The following ITGA5 variants were observed in gnomAD, a reference collection of about 807,000 sequenced individuals.
ITGA5 encodes integrin alpha-5.
ITGA5 carries 55 observed loss-of-function variants against 146.3 expected under a neutral mutation model. That is an observed-to-expected ratio of 0.38 (90% CI 0.30 to 0.47). The LOEUF (loss-of-function observed/expected upper bound fraction) is 0.47, where lower values mean the gene tolerates loss of function less well. Among genes scored for constraint, ITGA5 ranks in the 20% least tolerant of loss-of-function variants. ITGA5 has a pLI of 0.99. For synonymous variants in ITGA5, 500 were observed against 531.8 expected, an observed-to-expected ratio of 0.94 and a Z score of 0.82; for missense variants, 1,131 against 1,329.0, an observed-to-expected ratio of 0.85 and a Z score of 2.32.
intron 11 of ITGA5, 85 bp from the exon 12 acceptor site, chr12:54,405,459 T>G: frequency 8.4e-7 from 1 of 1,193,860 alleles, no homozygotes; most frequent in Non-Finnish European, 1.2e-6. Flanking sequence ...CCGGACACTC[T>G]GAATTCCATC....
intron 4 of ITGA5, 37 bp from the exon 5 acceptor site, chr12:54,408,991 T>A: frequency 6.3e-7 from 1 of 1,596,324 alleles, no homozygotes; most frequent in Non-Finnish European, 8.6e-7. Context: ...GAGCCCTGCA[T>A]AGATGGGTCA....
At chr12:54,410,347 CTTT>C (rs68135389) in intron 2 of ITGA5, among the ~76,000 whole-genome samples, 9 of 133,004 alleles carry the variant, frequency 6.8e-5, no homozygotes, top group South Asian at 2.3e-4. Context: ...GTTCCACCTC[CTTT>C]TTTTTTTTTT....
chr12:54,402,031 G>A lies in ITGA5; in HGVS notation c.2196C>T (p.Asp732=). ...AVNQSRLLVC[D]LGNPMKAGAS... ...CTCCTGCCTTCATGGGGTTGCCCAG[G>A]TCACACACCAGCAGGCGGCTCTGGT... The change falls in exon 21 of 30, where the codon GAC becomes GAT. Residue 732 remains aspartate, a synonymous_variant. Coordinates refer to ENST00000293379, the MANE Select transcript of ITGA5 (RefSeq NM_002205.5). The A allele has an allele frequency of 6.2e-7, 1 of 1,614,168 alleles. No homozygotes were observed. Among genetic ancestry groups the A allele is most frequent in the South Asian group, 1.1e-5 (1 of 91,082 alleles).
chr12:54,404,380 C>T lies in ITGA5; in HGVS notation c.1463+50G>A, dbSNP rs115986708. The T allele has an allele frequency of 5.5e-4, 886 of 1,601,342 alleles. 6 individuals are homozygous for T. The African/African-American group carries it at 0.011, about 19-fold the overall frequency. On this transcript the variant is annotated intron_variant, in intron 14 of 29. Transcript: ENST00000293379. Reference sequence around the variant, plus strand: ...AACCTCAGCTCTGTTGAGAAATTTCCAGTTCCAGTCCACCCAGGTTGTCCC... The same window carrying T: ...AACCTCAGCTCTGTTGAGAAATTTCTAGTTCCAGTCCACCCAGGTTGTCCC...
rs1955790600 is a variant in ITGA5, at chr12:54,401,949, C to T, written c.2226+52G>A. 1.1e-5 allele frequency: 18 copies of T among 1,599,998 alleles called. 1 individual carries two copies. The Admixed American group carries it at 1.8e-4, about 16-fold the overall frequency. ...GCTGTGCTCTCGGCTGGCTGGTTAC[C>T]GCCCTCAGGTCTGCTCTCCCTCTGT... On this transcript the variant is annotated intron_variant, in intron 21 of 29. Transcript: ENST00000293379. The surrounding 1 kb of genome is among the most constrained non-coding windows in gnomAD (Gnocchi z 5.0).
chr12:54,407,608 G>A, intron 9 of ITGA5, 41 bp downstream of exon 9: 1 of 1,556,530 alleles, frequency 6.4e-7, no homozygotes, highest in Non-Finnish European at 8.9e-7. Context: ...TTGTGATTAG[G>A]CAGGGGAGGA....
At position 54,403,655 on chromosome 12, in the gene ITGA5, C is replaced by G; in HGVS notation, c.1746G>C (p.Glu582Asp). 1 of 1,614,120 alleles carries G rather than the reference C, an allele frequency of 6.2e-7. No homozygotes were observed. Among genetic ancestry groups the G allele is most frequent in the South Asian group, 1.1e-5 (1 of 91,086 alleles). ...GGTAGATCTTCATCTCTCTGCAATC[C>G]TCTCGAGCCCCATTCTGGATGAGCA... ...QTLLIQNGAR[E>D]DCREMKIYLR... The change falls in exon 17 of 30, where the codon GAG becomes GAC. Residue 582 changes from glutamate (E) to aspartate (D), a missense_variant. Glu to Asp is a conservative substitution (Grantham distance 45). This residue lies in a region of ITGA5 where 889 missense variants were observed against 1,021.5 expected (regional missense o/e 0.87). Coordinates refer to ENST00000293379, the MANE Select transcript of ITGA5 (RefSeq NM_002205.5). The surrounding 1 kb of genome is among the most constrained non-coding windows in gnomAD (Gnocchi z 4.9).
intron 19 of ITGA5, 72 bp downstream of exon 19, chr12:54,402,911 T>C: frequency 8.1e-7 from 1 of 1,236,578 alleles, no homozygotes; most frequent in South Asian, 1.2e-5. Context: ...ACACAGCTAG[T>C]ATGTCCCTAG....
intron 25 of ITGA5, chr12:54,400,325 C>T (rs1380007848): frequency 3.0e-5 from 7 of 229,508 alleles, no homozygotes; most frequent in Non-Finnish European, 6.1e-5. Flanking sequence ...TAAATAGTGT[C>T]CCTACAGCTT....
At chr12:54,397,747 G>A (rs1386662622) in intron 28 of ITGA5, among the ~76,000 whole-genome samples, 1 of 152,172 alleles carries the variant, frequency 6.6e-6, no homozygotes, top group African/African-American at 2.4e-5. Context: ...CCCAAATATA[G>A]TCCTGGATCT....
At chr12:54,411,702 C>A in intron 2 of ITGA5, 132 bp downstream of exon 2, 1 of 637,484 alleles carries the variant, frequency 1.6e-6, no homozygotes, top group Non-Finnish European at 2.4e-6. Context: ...AGTTGGAGCA[C>A]CAGAGCTGGT....
chr12:54,401,436 C>G lies in ITGA5; in HGVS notation c.2430G>C (p.Trp810Cys), dbSNP rs995429588. The G allele has an allele frequency of 6.2e-7, 1 of 1,613,930 alleles. No individual in the cohort carries two copies. Among genetic ancestry groups the G allele is most frequent in the Non-Finnish European group, 8.5e-7 (1 of 1,179,978 alleles). ...PEAVLFPVSD[W>C]HPRDQPQKEE... is the part of the protein sequence containing the mutation. ...CCTTCTGAGGCTGGTCTCGGGGATGCCAGTCGCTTACTGGGAATAGCACTG... is the reference window on the plus strand; with the variant it reads ...CCTTCTGAGGCTGGTCTCGGGGATGGCAGTCGCTTACTGGGAATAGCACTG... The change falls in exon 24 of 30, where the codon TGG (tryptophan) becomes TGC (cysteine). Residue 810 changes from tryptophan to cysteine, a missense_variant. Around this residue, in one of 3 missense-constraint regions of ITGA5, gnomAD observed 889 missense variants for 1,021.5 expected, o/e 0.87. Coordinates refer to ENST00000293379, the MANE Select transcript of ITGA5 (RefSeq NM_002205.5). The surrounding 1 kb of genome is among the most constrained non-coding windows in gnomAD (Gnocchi z 5.0).
In ITGA5 at chr12:54,395,957, T is replaced by A; in HGVS notation, c.*336A>T. On this transcript the variant is annotated 3_prime_UTR_variant, in exon 30 of 30. Transcript: ENST00000293379. Reference sequence around the variant, plus strand: ...TTGTGGCATGTCTGGCCCAAAGAACTGTGAATGGATTTCCTAGTTATCTTT... The same window carrying A: ...TTGTGGCATGTCTGGCCCAAAGAACAGTGAATGGATTTCCTAGTTATCTTT... The A allele has an allele frequency of 4.3e-6, 1 of 230,538 alleles. No homozygotes were observed. Among genetic ancestry groups the A allele is most frequent in the Non-Finnish European group, 8.7e-6 (1 of 115,352 alleles). 14.3% of individuals were successfully genotyped at this position (230,538 alleles called of 1,614,324 possible).
At position 54,411,880 on chromosome 12, in the gene ITGA5, C is replaced by G; in HGVS notation, c.303G>C (p.Trp101Cys). 6.3e-7 allele frequency: 1 copy of G among 1,597,312 alleles called. No homozygotes were observed. ...LQGGAVYLCP[W>C]GASPTQCTPI... ...GGGTGCACTGTGTGGGGCTGGCACCCCAAGGACAGAGGTAGACAGCACCAC... is the reference window on the plus strand; with the variant it reads ...GGGTGCACTGTGTGGGGCTGGCACCGCAAGGACAGAGGTAGACAGCACCAC... Residue 101 changes from tryptophan to cysteine, a missense_variant, in exon 2 of 30, where the codon TGG (tryptophan) becomes TGC (cysteine). Trp to Cys is a radical substitution (Grantham distance 215, BLOSUM62 -2). Around this residue, in one of 3 missense-constraint regions of ITGA5, gnomAD observed 175 missense variants for 179.3 expected, o/e 0.98. Transcript: ENST00000293379.
chr12:54,403,227 G>C lies in ITGA5; in HGVS notation c.1874C>G (p.Pro625Arg). The C allele has an allele frequency of 6.4e-7, 1 of 1,568,568 alleles. No individual in the cohort carries two copies. Among genetic ancestry groups the C allele is most frequent in the South Asian group, 1.2e-5 (1 of 84,118 alleles). The change falls in exon 18 of 30, where the codon CCA becomes CGA. Residue 625 changes from proline (P) to arginine (R), a missense_variant. By Grantham distance (103) the Pro-to-Arg change is moderately radical (BLOSUM62 -2). Around this residue, in one of 3 missense-constraint regions of ITGA5, gnomAD observed 889 missense variants for 1,021.5 expected, o/e 0.87. Transcript: ENST00000293379. This position sits in a 1 kb window ranked among gnomAD's most constrained non-coding sequence, Gnocchi z 4.9. ...GCTCTTGCTCTGATAATGTAGGGCTGGCCTGAGGCCGTGGCTGTCCACTGG... is the reference window on the plus strand; with the variant it reads ...GCTCTTGCTCTGATAATGTAGGGCTCGCCTGAGGCCGTGGCTGTCCACTGG... ...QAPVDSHGLR[P>R]ALHYQSKSRI...
intron 13 of ITGA5, 58 bp from the exon 14 acceptor site, chr12:54,404,533 C>G (rs1955834871): frequency 2.5e-6 from 4 of 1,593,646 alleles, no homozygotes; most frequent in South Asian, 2.2e-5. Flanking sequence ...ATCCTTTCTT[C>G]CTAACCCCTC....
Position 54,419,237 on chromosome 12 carries a change from A to C in ITGA5, c.-39T>G, listed in dbSNP as rs1289482630. Reference sequence around the variant, plus strand: ...CCCTGTCCTGGGGCCACCGACCCGGAGCCGCTTCCTAAACCTCCCAGAGGC... The same window carrying C: ...CCCTGTCCTGGGGCCACCGACCCGGCGCCGCTTCCTAAACCTCCCAGAGGC... On this transcript the variant is annotated 5_prime_UTR_variant, in exon 1 of 30. Coordinates refer to ENST00000293379, the MANE Select transcript of ITGA5 (RefSeq NM_002205.5). 2.6e-6 allele frequency: 4 copies of C among 1,545,752 alleles called. No individual in the cohort carries two copies. The Admixed American group carries it at 7.9e-5, about 30-fold the overall frequency.
Position 54,408,925 on chromosome 12 carries a change from A to T in ITGA5, c.613T>A (p.Cys205Ser). 6.2e-7 allele frequency: 1 copy of T among 1,614,146 alleles called. No individual in the cohort carries two copies. Among genetic ancestry groups the T allele is most frequent in the Non-Finnish European group, 8.5e-7 (1 of 1,180,030 alleles). ...DFSWAAGQGY[C>S]QGGFSAEFTK... ...AACTCGGCACTGAAGCCTCCTTGGCAGTAACCCTGTCCTGCTGCCCAGCTG... is the reference window on the plus strand; with the variant it reads ...AACTCGGCACTGAAGCCTCCTTGGCTGTAACCCTGTCCTGCTGCCCAGCTG... Residue 205 changes from cysteine (C) to serine (S), a missense_variant, in exon 5 of 30, where the codon TGC (cysteine) becomes AGC (serine). Coordinates refer to ENST00000293379, the MANE Select transcript of ITGA5 (RefSeq NM_002205.5).
Position 54,402,012 on chromosome 12 carries a change from C to G in ITGA5, c.2215G>C (p.Ala739Pro), listed in dbSNP as rs775220608. ...CATCCCAAACTTACACTGGCTCCTGCCTTCATGGGGTTGCCCAGGTCACAC... is the reference window on the plus strand; with the variant it reads ...CATCCCAAACTTACACTGGCTCCTGGCTTCATGGGGTTGCCCAGGTCACAC... ...LVCDLGNPMK[A>P]GASLWGGLRF... The change falls in exon 21 of 30, where the codon GCA becomes CCA. Residue 739 changes from alanine (A) to proline (P), a missense_variant. Ala to Pro is a conservative substitution (Grantham distance 27). Coordinates refer to ENST00000293379, the MANE Select transcript of ITGA5 (RefSeq NM_002205.5). 8 of 1,614,026 alleles carry G rather than the reference C, an allele frequency of 5.0e-6. No individual in the cohort carries two copies. The African/African-American group carries it at 9.3e-5, about 19-fold the overall frequency.
Sources: allele counts gnomAD v4.1 joint callset (sites outside exome capture counted in the v4.1 genomes callset), GRCh38; gene constraint gnomAD v4.1.1; regional missense constraint gnomAD v4.1.1; non-coding constraint Gnocchi (gnomAD v3.1); transcripts MANE v1.5; gene names NCBI Gene and HGNC (gene_info 2026-07-23, HGNC 2026-07-21).